The following ZNF407 variants were observed in gnomAD, a reference collection of about 807,000 sequenced individuals.
ZNF407 encodes zinc finger protein 407.
A neutral mutation model predicts 131.2 loss-of-function variants in ZNF407; 17 were observed. The observed-to-expected ratio is 0.13, with a 90% CI of 0.09 to 0.19. ZNF407 has a LOEUF of 0.19. Among genes scored for constraint, ZNF407 ranks in the 10% least tolerant of loss-of-function variants. ZNF407 has a pLI of 1.00. For synonymous variants in ZNF407, 1,156 were observed against 1,062.0 expected (o/e 1.09, Z -1.72); for missense variants, 2,681 against 2,830.6 (o/e 0.95, Z 1.20).
At chr18:74,783,043 CAA>C (rs1249606521) in intron 4 of ZNF407, among the ~76,000 whole-genome samples, 2 of 152,130 alleles carry the variant, frequency 1.3e-5, no homozygotes, top group Non-Finnish European at 2.9e-5. Flanking sequence ...TGCGACATGT[CAA>C]AGTTATGTTT....
chr18:75,033,963 A>C (rs1360314787), intron 8 of ZNF407, among the ~76,000 whole-genome samples: 8 of 152,176 alleles, frequency 5.3e-5, no homozygotes, highest in Admixed American at 5.2e-4. Context: ...TATTTTCTTC[A>C]TATTTATCTA....
intron 8 of ZNF407, among the ~76,000 whole-genome samples, chr18:74,984,091 A>G (rs1291672202): frequency 6.6e-6 from 1 of 152,234 alleles, no homozygotes; most frequent in Non-Finnish European, 1.5e-5. Flanking sequence ...TAGAAAATCA[A>G]ATTGACTTTA....
intron 3 of ZNF407, among the ~76,000 whole-genome samples, chr18:74,684,132 AATT>A (rs1476946687): frequency 6.6e-6 from 1 of 152,114 alleles, no homozygotes; most frequent in Non-Finnish European, 1.5e-5. Flanking sequence ...GATGCTAAAT[AATT>A]ATTGTTGAGC....
chr18:74,612,224 A>G (rs1200917960), intron 1 of ZNF407, among the ~76,000 whole-genome samples: 1 of 152,192 alleles, frequency 6.6e-6, no homozygotes, highest in Non-Finnish European at 1.5e-5. Context: ...TATGGATATG[A>G]TAAAGTAATA....
At chr18:74,672,865 C>T (rs1252736985) in intron 3 of ZNF407, among the ~76,000 whole-genome samples, 1 of 152,138 alleles carries the variant, frequency 6.6e-6, no homozygotes, top group Non-Finnish European at 1.5e-5. Flanking sequence ...TTAATTTGTG[C>T]TCCCTACCCA....
chr18:74,648,056 A>G (rs1168055927), intron 3 of ZNF407, among the ~76,000 whole-genome samples: 2 of 152,168 alleles, frequency 1.3e-5, no homozygotes, highest in African/African-American at 4.8e-5. Flanking sequence ...GGATTAAACA[A>G]ACACCTGTTG....
At chr18:74,621,275 A>G (rs1983498540) in intron 1 of ZNF407, among the ~76,000 whole-genome samples, 1 of 152,094 alleles carries the variant, frequency 6.6e-6, no homozygotes, top group Non-Finnish European at 1.5e-5. Context: ...GGAGTTACCT[A>G]TTGCTACATA....
chr18:74,631,764 T>C lies in ZNF407; in HGVS notation c.745T>C (p.Cys249Arg). The C allele has an allele frequency of 6.2e-7, 1 of 1,614,062 alleles. No homozygotes were observed. Among genetic ancestry groups the C allele is most frequent in the Non-Finnish European group, 8.5e-7 (1 of 1,179,892 alleles). The change falls in exon 2 of 9, where the codon TGT becomes CGT. Residue 249 changes from cysteine (C) to arginine (R), a missense_variant. By Grantham distance (180) the Cys-to-Arg change is radical. Around this residue, in one of 6 missense-constraint regions of ZNF407, gnomAD observed 1,789 missense variants for 1,748.7 expected, o/e 1.02. Coordinates refer to ENST00000299687, the MANE Select transcript of ZNF407 (RefSeq NM_017757.3). ...GPQKVFSCDL[C>R]GFQCSEENLL... The stretch of plus-strand genomic sequence containing the variant: ...ACAGAAGGTCTTTTCCTGTGATCTT[T>C]GTGGTTTTCAGTGTTCAGAAGAAAA...
chr18:74,956,104 G>T (rs1026814489), intron 8 of ZNF407, among the ~76,000 whole-genome samples: 1 of 152,096 alleles, frequency 6.6e-6, no homozygotes, highest in African/African-American at 2.4e-5. Flanking sequence ...TTGAAAAGTT[G>T]CTTCTTTCCT....
chr18:74,848,902 A>G (rs1213939825), intron 4 of ZNF407, among the ~76,000 whole-genome samples: 1 of 152,190 alleles, frequency 6.6e-6, no homozygotes, highest in Non-Finnish European at 1.5e-5. Flanking sequence ...GTATGCGTGA[A>G]TATTAGATTG....
intron 1 of ZNF407, among the ~76,000 whole-genome samples, chr18:74,600,614 C>T (rs1032776163): frequency 6.6e-6 from 1 of 152,050 alleles, no homozygotes; most frequent in African/African-American, 2.4e-5. Flanking sequence ...CTGAACCTGG[C>T]AAGCTTAAAG....
chr18:74,866,865 G>A (rs536056671), intron 4 of ZNF407, among the ~76,000 whole-genome samples: 4 of 147,030 alleles, frequency 2.7e-5, no homozygotes, highest in African/African-American at 1.0e-4. Flanking sequence ...GATATTTAGT[G>A]TAAAAGTGGG....
At chr18:74,768,810 A>T (rs555597084) in intron 3 of ZNF407, among the ~76,000 whole-genome samples, 1 of 152,158 alleles carries the variant, frequency 6.6e-6, no homozygotes, top group African/African-American at 2.4e-5. Context: ...CTCTTTGGCC[A>T]TAGTGTTCTC....
chr18:75,034,036 T>G (rs1438375766), intron 8 of ZNF407, among the ~76,000 whole-genome samples: 1 of 152,214 alleles, frequency 6.6e-6, no homozygotes, highest in African/African-American at 2.4e-5. Flanking sequence ...ATCCTGATAA[T>G]CAGAGTTTAT....
chr18:74,960,188 G>A (rs1972322969), intron 8 of ZNF407, among the ~76,000 whole-genome samples: 1 of 152,152 alleles, frequency 6.6e-6, no homozygotes, highest in African/African-American at 2.4e-5. Context: ...AAATGTAGAG[G>A]ACTGGGTGGA....
intron 3 of ZNF407, among the ~76,000 whole-genome samples, chr18:74,701,436 A>C (rs1041593408): frequency 6.6e-6 from 1 of 152,154 alleles, no homozygotes; most frequent in African/African-American, 2.4e-5. Context: ...CCGACTACCT[A>C]TAAGTTTAGC....
chr18:74,609,817 A>G (rs1055046942), intron 1 of ZNF407, among the ~76,000 whole-genome samples: 2 of 152,194 alleles, frequency 1.3e-5, no homozygotes, highest in African/African-American at 2.4e-5. Flanking sequence ...CCAAAACATC[A>G]TTAGGTAGTG....
At chr18:75,045,127 T>G in intron 8 of ZNF407, among the ~76,000 whole-genome samples, 1 of 149,792 alleles carries the variant, frequency 6.7e-6, no homozygotes, top group African/African-American at 2.5e-5. Context: ...TGGGGGTGCG[T>G]GGGGCGGTGT....
intron 8 of ZNF407, among the ~76,000 whole-genome samples, chr18:74,997,797 A>G (rs777942423): frequency 1.2e-4 from 19 of 152,006 alleles, no homozygotes; most frequent in Non-Finnish European, 2.5e-4. Flanking sequence ...ACTTTTTTTT[A>G]CTTCTACCTC....
Sources: gnomAD v4.1 joint callset for allele counts (sites outside exome capture counted in the v4.1 genomes callset) on GRCh38, gnomAD v4.1.1 for gene constraint, gnomAD v4.1.1 regional missense constraint, MANE v1.5 for transcripts, NCBI Gene and HGNC (gene_info 2026-07-23, HGNC 2026-07-21) for gene names.